KCNH1: variants seen among roughly 807,000 people sequenced by gnomAD.
The protein encoded by KCNH1 is voltage-gated delayed rectifier potassium channel KCNH1.
KCNH1 carries 27 observed loss-of-function variants against 69.2 expected under a neutral mutation model. That is an observed-to-expected ratio of 0.39 (90% CI 0.29 to 0.54). The LOEUF is 0.54. Ranked by LOEUF, KCNH1 falls within the 20% of genes least tolerant of loss-of-function variation. KCNH1 has a pLI of 0.68. For synonymous variants in KCNH1, 456 were observed against 487.7 expected (o/e 0.93, Z 0.86); for missense variants, 798 against 1,261.6 (o/e 0.63, Z 5.57).
chr1:210,886,958 G>C (rs1308897503), intron 7 of KCNH1, among the ~76,000 whole-genome samples: 1 of 152,128 alleles, frequency 6.6e-6, no homozygotes, highest in Non-Finnish European at 1.5e-5. Context: ...ATGGAACCAA[G>C]TTGGAAAACA....
chr1:210,920,240 G>C (rs775032857), intron 6 of KCNH1, among the ~76,000 whole-genome samples, 171 bp from the exon 7 acceptor site: 7 of 152,152 alleles, frequency 4.6e-5, no homozygotes, highest in Non-Finnish European at 1.0e-4. Context: ...GTATGGAATG[G>C]AAATTCCCAT....
intron 4 of KCNH1, among the ~76,000 whole-genome samples, chr1:211,085,937 T>A (rs531097187): frequency 6.6e-5 from 10 of 152,294 alleles, no homozygotes; most frequent in Non-Finnish European, 1.3e-4. Context: ...TTCATCATCG[T>A]CCTTCAAGGA....
In KCNH1 at chr1:211,010,648, C is replaced by G. The variant is rs139104316; in HGVS notation, c.1032+8135G>C. Among the ~76,000 whole-genome samples, 5 of 152,276 alleles carry G rather than the reference C, an allele frequency of 3.3e-5. No individual in the cohort carries two copies. The East Asian group carries it at 9.6e-4, about 29-fold the overall frequency. ...CAGGAAGCCTCCCTGGATTCTCCCA[C>G]AAGGCTAAGTGCTCCCTGTTGTAGG... On this transcript the variant is annotated intron_variant, in intron 6 of 10. Transcript: ENST00000271751.
At chr1:210,913,306 A>G (rs951943134) in intron 7 of KCNH1, among the ~76,000 whole-genome samples, 2 of 152,184 alleles carry the variant, frequency 1.3e-5, no homozygotes, top group Admixed American at 1.3e-4. Context: ...TAAACCAAAA[A>G]TGAAATTAAA....
In KCNH1 at chr1:210,679,146, C is replaced by T. The variant is rs188458444; in HGVS notation, c.*4135G>A. On this transcript the variant is annotated 3_prime_UTR_variant, in exon 11 of 11. Transcript: ENST00000271751. ...CAGTGCTGAGAGGATCATGAAGTCT[C>T]CCCCAGGTGGAGGGCACAGGAGCTG... is the stretch of plus-strand genomic sequence containing the variant. The T allele has an allele frequency of 6.6e-5, 10 of 152,278 alleles. No individual in the cohort carries two copies. Among genetic ancestry groups the T allele is most frequent in the Admixed American group, 2.0e-4 (3 of 15,300 alleles). 9.4% of individuals were successfully genotyped at this position (152,278 alleles called of 1,614,324 possible).
chr1:210,879,243 G>T (rs997745632), intron 7 of KCNH1, among the ~76,000 whole-genome samples: 8 of 151,946 alleles, frequency 5.3e-5, no homozygotes, highest in Non-Finnish European at 1.0e-4. Context: ...TATAGAAACA[G>T]AATACTTCCT....
At chr1:210,991,372 G>A (rs1182279072) in intron 6 of KCNH1, among the ~76,000 whole-genome samples, 1 of 152,100 alleles carries the variant, frequency 6.6e-6, no homozygotes, top group African/African-American at 2.4e-5. Context: ...GACAAATACT[G>A]CATGATCTCA....
Position 210,871,266 on chromosome 1 carries a change from G to C in KCNH1, c.1462+48374C>G, listed in dbSNP as rs530942318. Reference sequence around the variant, plus strand: ...GGACATGAACAGACACTTCTCTAAAGAAGACATTTATGCAGACAAAAAACA... The same window carrying C: ...GGACATGAACAGACACTTCTCTAAACAAGACATTTATGCAGACAAAAAACA... On this transcript the variant is annotated intron_variant, in intron 7 of 10. Transcript: ENST00000271751. Among the ~76,000 whole-genome samples the C allele has an allele frequency of 7.9e-5, 12 of 152,240 alleles. No homozygotes were observed. The South Asian group carries it at 1.5e-3, about 18-fold the overall frequency.
chr1:211,096,605 G>A (rs1344201097), intron 3 of KCNH1, among the ~76,000 whole-genome samples: 1 of 152,186 alleles, frequency 6.6e-6, no homozygotes, highest in Admixed American at 6.5e-5. Flanking sequence ...TTGCATTGAT[G>A]AGTATAAAAC....
In KCNH1 at chr1:211,133,423, G is replaced by C. The variant is rs1408949441; in HGVS notation, c.79+444C>G. On this transcript the variant is annotated intron_variant, in intron 1 of 10. Coordinates refer to ENST00000271751, the MANE Select transcript of KCNH1 (RefSeq NM_172362.3). The surrounding 1 kb of genome is among the most constrained non-coding windows in gnomAD (Gnocchi z 5.4). ...CATTCTGAGGCAGCGGGGACCTGGA[G>C]TTGCCCGTCTCTACTGCTGGCTCTC... 6.5e-6 allele frequency: 1 copy of C among 152,912 alleles called. No homozygotes were observed. The highest frequency in any genetic ancestry group is 2.4e-5 in the African/African-American group (1 of 41,492). The allele number at this position is 152,912 out of a possible 1,614,324, so 9.5% of individuals were successfully genotyped here.
chr1:210,696,436 A>T lies in KCNH1; in HGVS notation c.2113-12298T>A, dbSNP rs557711687. 5.5e-4 allele frequency among the ~76,000 whole-genome samples: 84 copies of T among 152,210 alleles called. 1 individual carries two copies. The highest frequency in any genetic ancestry group is 1.9e-3 in the South Asian group (9 of 4,806). ...AACTCCATGATTTAAATCCTCTCTTAAAAAATTAGTATAGTTTCAGTTTCT... is the reference window on the plus strand; with the variant it reads ...AACTCCATGATTTAAATCCTCTCTTTAAAAATTAGTATAGTTTCAGTTTCT... On this transcript the variant is annotated intron_variant, in intron 10 of 10. Coordinates refer to ENST00000271751, the MANE Select transcript of KCNH1 (RefSeq NM_172362.3).
chr1:210,808,947 G>A (rs994232817), intron 7 of KCNH1, among the ~76,000 whole-genome samples: 21 of 152,094 alleles, frequency 1.4e-4, no homozygotes, highest in African/African-American at 5.1e-4. Context: ...TGTTATGGAT[G>A]CCTCCAAATG....
At chr1:210,742,318 G>T (rs1479339243) in intron 10 of KCNH1, among the ~76,000 whole-genome samples, 1 of 152,178 alleles carries the variant, frequency 6.6e-6, no homozygotes, top group Non-Finnish European at 1.5e-5. Flanking sequence ...GTCCTCAAAG[G>T]ATTCCCTTCA....
chr1:211,102,890 A>T (rs1218994527), intron 3 of KCNH1, among the ~76,000 whole-genome samples: 1 of 152,220 alleles, frequency 6.6e-6, no homozygotes, highest in Non-Finnish European at 1.5e-5. Context: ...CATATGCCCT[A>T]CTTTCCATAC....
At chr1:211,105,314 A>G (rs1691331496) in intron 2 of KCNH1, among the ~76,000 whole-genome samples, 1 of 152,248 alleles carries the variant, frequency 6.6e-6, no homozygotes, top group African/African-American at 2.4e-5. Flanking sequence ...AAGTGATGGT[A>G]TATATGCAAG....
chr1:210,968,996 T>C (rs1034753579), intron 6 of KCNH1, among the ~76,000 whole-genome samples: 15 of 152,272 alleles, frequency 9.9e-5, no homozygotes, highest in Non-Finnish European at 1.8e-4. Context: ...GAAATGTTTT[T>C]GACTTTTTGC....
intron 10 of KCNH1, among the ~76,000 whole-genome samples, chr1:210,707,750 C>G (rs772178041): frequency 1.3e-5 from 2 of 152,166 alleles, no homozygotes; most frequent in African/African-American, 2.4e-5. Flanking sequence ...GAAACTCCTA[C>G]AGCCAGGCCA....
At chr1:211,040,405 G>A (rs112654302) in intron 5 of KCNH1, among the ~76,000 whole-genome samples, 7 of 152,092 alleles carry the variant, frequency 4.6e-5, no homozygotes, top group South Asian at 2.1e-4. Flanking sequence ...AGCTATTCTC[G>A]TGATAGTGAA....
intron 10 of KCNH1, among the ~76,000 whole-genome samples, chr1:210,708,158 C>G (rs1681961287): frequency 6.6e-6 from 1 of 152,174 alleles, no homozygotes; most frequent in Non-Finnish European, 1.5e-5. Context: ...GGGGTGTCCC[C>G]CATTCACCCT....
Sources: gnomAD v4.1 joint callset for allele counts (sites outside exome capture counted in the v4.1 genomes callset) on GRCh38, gnomAD v4.1.1 for gene constraint, Gnocchi (gnomAD v3.1) non-coding constraint, MANE v1.5 for transcripts, NCBI Gene and HGNC (gene_info 2026-07-23, HGNC 2026-07-21) for gene names.